The following CHCHD6 variants were observed in gnomAD, a reference collection of about 807,000 sequenced individuals.
CHCHD6 encodes the protein coiled-coil-helix-coiled-coil-helix domain containing 6.
Under a neutral mutation model 32.3 loss-of-function variants are expected in CHCHD6, and 28 were observed. The observed-to-expected ratio is 0.87, with a 90% CI of 0.64 to 1.19. CHCHD6 has a LOEUF of 1.19. Ranked by LOEUF, CHCHD6 falls within the 50% of genes most tolerant of loss-of-function variation. CHCHD6 has a pLI of 0.00. For synonymous variants in CHCHD6, 122 were observed against 117.5 expected (o/e 1.04, Z -0.25); for missense variants, 333 against 307.0 (o/e 1.08, Z -0.63).
At chr3:126,811,700 C>T (rs1355993504) in intron 4 of CHCHD6, among the ~76,000 whole-genome samples, 1 of 152,146 alleles carries the variant, frequency 6.6e-6, no homozygotes, top group Non-Finnish European at 1.5e-5. Context: ...TATTAAATCC[C>T]CATGGCCCAG....
intron 6 of CHCHD6, among the ~76,000 whole-genome samples, chr3:126,954,754 A>G (rs976618432): frequency 1.3e-5 from 2 of 152,178 alleles, no homozygotes; most frequent in Non-Finnish European, 2.9e-5. Flanking sequence ...GATGGAAGTC[A>G]TGCTCTGGGG....
intron 6 of CHCHD6, among the ~76,000 whole-genome samples, chr3:126,927,458 C>T (rs1363931937): frequency 6.6e-6 from 1 of 152,210 alleles, no homozygotes; most frequent in Non-Finnish European, 1.5e-5. Context: ...CTGAAAGTGG[C>T]AGCTGCAGGC....
In CHCHD6 at chr3:126,960,408, T is replaced by C; in HGVS notation, c.*207T>C. 1.6e-6 allele frequency: 1 copy of C among 607,304 alleles called. No homozygotes were observed. Among genetic ancestry groups the C allele is most frequent in the Non-Finnish European group, 2.9e-6 (1 of 341,178 alleles). The allele number at this position is 607,304 out of a possible 1,614,324, so 37.6% of individuals were successfully genotyped here. On this transcript the variant is annotated 3_prime_UTR_variant, in exon 8 of 8. Transcript: ENST00000290913. The stretch of plus-strand genomic sequence containing the variant: ...GATGCCTTTGTTTTCAGTCGTTGAC[T>C]CACTGGCAAACAGTCACTGCTGCCT...
At chr3:126,705,880 C>G (rs1484514147) in intron 1 of CHCHD6, among the ~76,000 whole-genome samples, 1 of 152,038 alleles carries the variant, frequency 6.6e-6, no homozygotes, top group African/African-American at 2.4e-5. Flanking sequence ...AAGATGATGT[C>G]TGTGAAAGTG....
At chr3:126,866,121 A>G (rs1449642214) in intron 5 of CHCHD6, among the ~76,000 whole-genome samples, 2 of 152,178 alleles carry the variant, frequency 1.3e-5, no homozygotes, top group Admixed American at 6.5e-5. Context: ...TTCAGACTCT[A>G]CTTCTGTAAA....
intron 4 of CHCHD6, among the ~76,000 whole-genome samples, chr3:126,783,198 C>G (rs1425385155): frequency 6.6e-6 from 1 of 152,130 alleles, no homozygotes; most frequent in Non-Finnish European, 1.5e-5. Flanking sequence ...CTTATTTCAC[C>G]TAGCATAATG....
At chr3:126,748,258 A>G (rs1936585370) in intron 4 of CHCHD6, among the ~76,000 whole-genome samples, 1 of 152,154 alleles carries the variant, frequency 6.6e-6, no homozygotes, top group Non-Finnish European at 1.5e-5. Context: ...GGTAGTCATA[A>G]TCTTTCTTCT....
chr3:126,735,890 C>T (rs1406652664), intron 4 of CHCHD6, among the ~76,000 whole-genome samples: 2 of 152,134 alleles, frequency 1.3e-5, no homozygotes, highest in Non-Finnish European at 2.9e-5. Flanking sequence ...AAAGGCATCT[C>T]CTATAGGAGG....
chr3:126,809,174 A>T (rs1559857541), intron 4 of CHCHD6, among the ~76,000 whole-genome samples: 1 of 152,110 alleles, frequency 6.6e-6, no homozygotes, highest in Admixed American at 6.5e-5. Context: ...GAGTTTTGCT[A>T]TGTTGGCCAG....
chr3:126,852,098 G>C (rs116322371), intron 4 of CHCHD6, among the ~76,000 whole-genome samples: 2,748 of 152,324 alleles, frequency 0.018, 31 homozygotes, highest in Middle Eastern at 0.051. Flanking sequence ...TGCAGGCATG[G>C]ATCCCTGCTC....
At chr3:126,806,613 G>T (rs1227654081) in intron 4 of CHCHD6, among the ~76,000 whole-genome samples, 1 of 152,136 alleles carries the variant, frequency 6.6e-6, no homozygotes, top group Non-Finnish European at 1.5e-5. Flanking sequence ...CTGTAAACTA[G>T]TTCAACCATT....
At chr3:126,923,506 G>A (rs2107595092) in intron 6 of CHCHD6, among the ~76,000 whole-genome samples, 2 of 152,304 alleles carry the variant, frequency 1.3e-5, no homozygotes, top group South Asian at 2.1e-4. Context: ...ATAAGTGGTT[G>A]ACTGTTTAAG....
rs541594010 is a variant in CHCHD6 at position 126,935,199 on chromosome 3, G to A, written c.566+20449G>A. 2.8e-5 allele frequency: 27 copies of A among 977,720 alleles called. 1 individual carries two copies. The African/African-American group carries it at 4.0e-4, about 15-fold the overall frequency. The allele number at this position is 977,720 out of a possible 1,614,324, so 60.6% of individuals were successfully genotyped here. ...CCTTGAATGTCAGGTAGTGGTGAGC[G>A]GGATGGCAGGGCTGGCATGAGGCAG... On this transcript the variant is annotated intron_variant, in intron 6 of 7. Coordinates refer to ENST00000290913, the MANE Select transcript of CHCHD6 (RefSeq NM_032343.3).
chr3:126,825,300 T>A (rs1470436708), intron 4 of CHCHD6, among the ~76,000 whole-genome samples: 2 of 152,194 alleles, frequency 1.3e-5, no homozygotes, highest in East Asian at 3.9e-4. Context: ...TTCAGAGAAA[T>A]GTGTTGGGAT....
chr3:126,781,874 C>G (rs1005858347), intron 4 of CHCHD6, among the ~76,000 whole-genome samples: 16 of 152,088 alleles, frequency 1.1e-4, no homozygotes, highest in African/African-American at 3.1e-4. Flanking sequence ...TTGCAGCAAA[C>G]AGTATTAGGA....
At chr3:126,707,678 G>A (rs1934556868) in intron 1 of CHCHD6, among the ~76,000 whole-genome samples, 1 of 152,148 alleles carries the variant, frequency 6.6e-6, no homozygotes, top group Non-Finnish European at 1.5e-5. Flanking sequence ...TGTTCCCAGA[G>A]TCATTATCCC....
At chr3:126,731,833 T>C (rs1935815998) in intron 3 of CHCHD6, among the ~76,000 whole-genome samples, 1 of 151,988 alleles carries the variant, frequency 6.6e-6, no homozygotes, top group Admixed American at 6.6e-5. Context: ...CCAGTGAATT[T>C]AGGAGGCTAA....
In CHCHD6 at chr3:126,730,625, CAA is replaced by C; in HGVS notation, c.262_263del (p.Lys88GlufsTer3). The C allele has an allele frequency of 6.2e-7, 1 of 1,613,700 alleles. No homozygotes were observed. The highest frequency in any genetic ancestry group is 8.5e-7 in the Non-Finnish European group (1 of 1,179,762). ...QQPSGMKEGVKRYEQEHAAIQ... is the reference protein window; with the variant it reads ...QQPSGMKEGVXRYEQEHAAIQ... ...AGCCCTCAGGGATGAAGGAGGGTGTCAAGAGGTGAGCCCGAGAGCCTGCTTGC... is the reference window on the plus strand; with the variant it reads ...AGCCCTCAGGGATGAAGGAGGGTGTCGAGGTGAGCCCGAGAGCCTGCTTGC... On this transcript the variant is annotated frameshift_variant, in exon 3 of 8. Coordinates refer to ENST00000290913, the MANE Select transcript of CHCHD6 (RefSeq NM_032343.3). LOFTEE classifies it high-confidence loss of function.
At chr3:126,902,671 C>T (rs543067768) in intron 5 of CHCHD6, among the ~76,000 whole-genome samples, 17 of 149,722 alleles carry the variant, frequency 1.1e-4, no homozygotes, top group African/African-American at 3.0e-4. Flanking sequence ...GAGCCGAGAT[C>T]GCGCCACTGT....
Sources: allele counts gnomAD v4.1 joint callset (sites outside exome capture counted in the v4.1 genomes callset), GRCh38; gene constraint gnomAD v4.1.1; transcripts MANE v1.5; gene names NCBI Gene and HGNC (gene_info 2026-07-23, HGNC 2026-07-21).